The following DMC1 variants were observed in gnomAD, a reference collection of about 807,000 sequenced individuals.
DMC1 encodes the protein DNA meiotic recombinase 1.
Under a neutral mutation model 50.1 loss-of-function variants are expected in DMC1, and 27 were observed. The ratio of observed to expected loss-of-function variants is 0.54; its 90% CI spans 0.40 to 0.74. The LOEUF (loss-of-function observed/expected upper bound fraction) is 0.74, where lower values mean the gene tolerates loss of function less well. Ranked by LOEUF, DMC1 falls within the 30% of genes least tolerant of loss-of-function variation. DMC1 has a pLI of 0.00. For missense variants in DMC1, 295 were observed against 420.2 expected, an observed-to-expected ratio of 0.70 and a Z score of 2.60; for synonymous variants, 148 against 136.1, an observed-to-expected ratio of 1.09 and a Z score of -0.61.
intron 12 of DMC1, among the ~76,000 whole-genome samples, chr22:38,536,568 A>G (rs1391406132): frequency 6.6e-6 from 1 of 152,182 alleles, no homozygotes; most frequent in African/African-American, 2.4e-5. Context: ...CTTCTCCCAT[A>G]GTGCCTCTGA....
intron 12 of DMC1, 125 bp from the exon 13 acceptor site, chr22:38,521,849 CAGAG>C: frequency 2.6e-6 from 2 of 766,894 alleles, no homozygotes; most frequent in Non-Finnish European, 4.7e-6. Context: ...TCTAAACAAG[CAGAG>C]GCTTGTTCAT....
At chr22:38,521,325 C>T (rs921700766) in intron 13 of DMC1, among the ~76,000 whole-genome samples, 1 of 152,032 alleles carries the variant, frequency 6.6e-6, no homozygotes, top group South Asian at 2.1e-4. Context: ...AATAGAATCC[C>T]TCAATCCCTA....
downstream of DMC1, among the ~76,000 whole-genome samples, chr22:38,514,992 C>T (rs1184815676): frequency 6.7e-5 from 10 of 148,770 alleles, no homozygotes; most frequent in Non-Finnish European, 1.3e-4. Flanking sequence ...CTCAGCCTCC[C>T]GAGTAGCTGG....
chr22:38,558,870 A>T (rs980423424), intron 5 of DMC1, among the ~76,000 whole-genome samples: 4 of 152,204 alleles, frequency 2.6e-5, no homozygotes, highest in Non-Finnish European at 5.9e-5. Context: ...AACTAAAGAA[A>T]ATCAGATTGT....
rs775287504 is a variant in DMC1 at position 38,537,591 on chromosome 22, C to T, written c.836+1G>A. The T allele has an allele frequency of 9.3e-6, 15 of 1,612,792 alleles. 1 individual carries two copies. In the South Asian group the frequency reaches 9.9e-5, roughly 11 times the overall value. On this transcript the variant is annotated splice_donor_variant, in intron 12 of 13. Transcript: ENST00000216024. LOFTEE classifies it high-confidence loss of function. ...ATAAAAAGTAGAATATTGGGGCTTA[C>T]GTCATAGTTGCTCCTGGATCGGCAG...
chr22:38,520,611 G>C (rs1040206734), intron 13 of DMC1, among the ~76,000 whole-genome samples: 26 of 152,052 alleles, frequency 1.7e-4, no homozygotes, highest in Non-Finnish European at 3.1e-4. Context: ...GCCTGCCTCG[G>C]CCTCCCAAAG....
At chr22:38,562,395 CAA>C (rs779514684) in intron 4 of DMC1, 26 bp from the exon 5 acceptor site, 41 of 1,493,010 alleles carry the variant, frequency 2.7e-5, no homozygotes, top group Non-Finnish European at 1.9e-6. Context: ...AGGAAATGTT[CAA>C]AAAGAGTTTA....
At chr22:38,557,594 T>C (rs1188682793) in intron 5 of DMC1, among the ~76,000 whole-genome samples, 2 of 152,126 alleles carry the variant, frequency 1.3e-5, no homozygotes, top group Non-Finnish European at 1.5e-5. Flanking sequence ...CAGTCCCATC[T>C]ACTCAGGCTG....
At chr22:38,522,098 C>T (rs1404978150) in intron 12 of DMC1, among the ~76,000 whole-genome samples, 1 of 151,680 alleles carries the variant, frequency 6.6e-6, no homozygotes, top group Non-Finnish European at 1.5e-5. Context: ...ATTACAGGTG[C>T]CCACCACCAC....
In DMC1 at chr22:38,520,026, C is replaced by T. The variant is rs1358565460; in HGVS notation, c.1017G>A (p.Lys339=). The change falls in exon 14 of 14, where the codon AAG becomes AAA. Residue 339 remains lysine, a synonymous_variant. Coordinates refer to ENST00000216024, the MANE Select transcript of DMC1 (RefSeq NM_007068.4). ...AITAGGIGDA[K]E ...ATTTGCATCAATTCACCACCTACTC[C>T]TTGGCATCCCCAATTCCTCCAGCAG... 2 of 1,613,464 alleles carry T rather than the reference C, an allele frequency of 1.2e-6. No homozygotes were observed. Among genetic ancestry groups the T allele is most frequent in the East Asian group, 2.2e-5 (1 of 44,860 alleles).
chr22:38,538,613 C>T lies in DMC1; in HGVS notation c.587-1G>A. The T allele has an allele frequency of 6.2e-7, 1 of 1,613,308 alleles. No homozygotes were observed. The highest frequency in any genetic ancestry group is 8.5e-7 in the Non-Finnish European group (1 of 1,179,376). Reference sequence around the variant, plus strand: ...TCAAGTAGCTCCATCTGATGTTCACCTGATGGGAAATGCAGTGAGAAAATG... The same window carrying T: ...TCAAGTAGCTCCATCTGATGTTCACTTGATGGGAAATGCAGTGAGAAAATG... On this transcript the variant is annotated splice_acceptor_variant, in intron 9 of 13. Transcript: ENST00000216024. LOFTEE classifies it high-confidence loss of function.
intron 7 of DMC1, 62 bp from the exon 8 acceptor site, chr22:38,550,059 TA>T: frequency 8.4e-7 from 1 of 1,192,706 alleles, no homozygotes; most frequent in Non-Finnish European, 1.2e-6. Context: ...CATGACTATA[TA>T]AATACACATG....
chr22:38,568,171 G>T (rs372896679), intron 2 of DMC1, 35 bp downstream of exon 2: 1 of 1,594,468 alleles, frequency 6.3e-7, no homozygotes, highest in East Asian at 2.2e-5. Flanking sequence ...CGGAATGATC[G>T]AATGTCTATA....
chr22:38,521,186 T>G (rs1180503409), intron 13 of DMC1, among the ~76,000 whole-genome samples: 1 of 152,146 alleles, frequency 6.6e-6, no homozygotes, highest in African/African-American at 2.4e-5. Context: ...AGAGTTAACC[T>G]GGCAAAAAGA....
At chr22:38,520,130 A>C (rs1357750229) in intron 13 of DMC1, 41 bp from the exon 14 acceptor site, 1 of 1,468,746 alleles carries the variant, frequency 6.8e-7, no homozygotes, top group East Asian at 2.3e-5. Context: ...AAAAAGCTCT[A>C]TTTCTATAAA....
chr22:38,536,659 A>G (rs2090216476), intron 12 of DMC1, among the ~76,000 whole-genome samples: 1 of 152,150 alleles, frequency 6.6e-6, no homozygotes, highest in Admixed American at 6.6e-5. Flanking sequence ...ATAAGCTGCA[A>G]TATAAGTTTT....
chr22:38,557,884 A>T lies in DMC1; in HGVS notation c.327-2475T>A, dbSNP rs979643644. Reference sequence around the variant, plus strand: ...TACAACTCACTATACTTCTAAATTTATTTGAGTTACAAAAGATATTTAGGT... The same window carrying T: ...TACAACTCACTATACTTCTAAATTTTTTTGAGTTACAAAAGATATTTAGGT... On this transcript the variant is annotated intron_variant, in intron 5 of 13. Coordinates refer to ENST00000216024, the MANE Select transcript of DMC1 (RefSeq NM_007068.4). Among the ~76,000 whole-genome samples, 5 of 148,716 alleles carry T rather than the reference A, an allele frequency of 3.4e-5. No homozygotes were observed. The Admixed American group carries it at 3.4e-4, about 10-fold the overall frequency.
chr22:38,540,298 G>A (rs1439517528), intron 8 of DMC1, among the ~76,000 whole-genome samples: 1 of 151,988 alleles, frequency 6.6e-6, no homozygotes, highest in Admixed American at 6.6e-5. Flanking sequence ...TGCCTGCCTC[G>A]GCCTCCCAAA....
chr22:38,547,052 T>C lies in DMC1; in HGVS notation c.494+2873A>G, dbSNP rs1056026609. Among the ~76,000 whole-genome samples, 29 of 152,326 alleles carry C rather than the reference T, an allele frequency of 1.9e-4. 1 individual carries two copies. The highest frequency in any genetic ancestry group is 6.7e-4 in the African/African-American group (28 of 41,586). ...ATAGTTAAATCTAAATAACTGCTGA[T>C]GTACAATGTTTTTAGATTTTTTTTC... On this transcript the variant is annotated intron_variant, in intron 8 of 13. Coordinates refer to ENST00000216024, the MANE Select transcript of DMC1 (RefSeq NM_007068.4).
Sources: gnomAD v4.1 joint callset for allele counts (sites outside exome capture counted in the v4.1 genomes callset) on GRCh38, gnomAD v4.1.1 for gene constraint, MANE v1.5 for transcripts, NCBI Gene and HGNC (gene_info 2026-07-23, HGNC 2026-07-21) for gene names.